Variants in CASK observed in about 807,000 individuals in gnomAD.
CASK encodes calcium/calmodulin dependent serine protein kinase, also known as peripheral plasma membrane protein CASK.
Under a neutral mutation model 82.9 loss-of-function variants are expected in CASK, and 4 were observed. The observed-to-expected ratio is 0.05, with a 90% CI of 0.02 to 0.11. The LOEUF (loss-of-function observed/expected upper bound fraction) is 0.11. Among genes scored for constraint, CASK ranks in the 10% least tolerant of loss-of-function variants. The pLI is 1.00. For synonymous variants in CASK, 259 were observed against 253.5 expected, an observed-to-expected ratio of 1.02 and a Z score of -0.20; for missense variants, 358 against 720.9, an observed-to-expected ratio of 0.50 and a Z score of 5.76.
chrX:41,637,119 A>G (rs927342150), intron 8 of CASK, among the ~76,000 whole-genome samples: 81 of 109,706 alleles, frequency 7.4e-4, no homozygotes, highest in Non-Finnish European at 1.1e-3. Context: ...AGCCTGGCTA[A>G]TTTTATTTTT....
At position 41,517,340 on chromosome X, in the gene CASK, C is replaced by T. The variant is rs752280633; in HGVS notation, c.*3080G>A. The T allele has an allele frequency of 8.1e-6, 1 of 123,841 alleles. No individual in the cohort carries two copies. The highest frequency in any genetic ancestry group is 1.7e-5 in the Non-Finnish European group (1 of 60,540). The allele number at this position is 123,841 out of a possible 1,213,427, so 10.2% of individuals were successfully genotyped here. ...TGAGCAAAGATTTTAAATCATCTCA[C>T]CTGACAAGAGATACATTTAATTGCA... On this transcript the variant is annotated 3_prime_UTR_variant, in exon 27 of 27. Transcript: ENST00000378163.
At chrX:41,845,718 A>G (rs2071141849) in intron 2 of CASK, among the ~76,000 whole-genome samples, 1 of 111,530 alleles carries the variant, frequency 9.0e-6, no homozygotes, top group African/African-American at 3.3e-5. Context: ...TATATTTAAT[A>G]TTATTACTGA....
chrX:41,854,217 G>GGCGC lies in CASK; in HGVS notation c.60-994_60-991dup, dbSNP rs760436631. ...TCCAGGGAACATGCGCGCGCGCGCG[G>GGCGC]GCGCGCGCACACACACACACACACA... On this transcript the variant is annotated intron_variant, in intron 1 of 26. Transcript: ENST00000378163. Among the ~76,000 whole-genome samples, 199 of 52,622 alleles carry GGCGC rather than the reference G, an allele frequency of 3.8e-3. 1 individual carries two copies. Among genetic ancestry groups the GGCGC allele is most frequent in the African/African-American group, 0.011 (146 of 13,812 alleles). The allele number at this position is 52,622 out of a possible 115,157, so 45.7% of individuals were successfully genotyped here. A position where few individuals can be genotyped will look rare whatever the true frequency, so the allele number is the denominator to read the frequency against.
intron 1 of CASK, among the ~76,000 whole-genome samples, chrX:41,879,904 A>G (rs981404221): frequency 1.8e-5 from 2 of 112,430 alleles, no homozygotes; most frequent in African/African-American, 6.5e-5. Context: ...ATGACACCTT[A>G]TAAGAACAAA....
Position 41,711,422 on chromosome X carries a change from A to G in CASK, c.429+27962T>C, listed in dbSNP as rs1005977117. Among the ~76,000 whole-genome samples, 4 of 111,761 alleles carry G rather than the reference A, an allele frequency of 3.6e-5. No individual in the cohort carries two copies. The Admixed American group carries it at 3.8e-4, about 11-fold the overall frequency. On this transcript the variant is annotated intron_variant, in intron 5 of 26. Coordinates refer to ENST00000378163, the MANE Select transcript of CASK (RefSeq NM_001367721.1). ...TGGTTTCAGTGAGGTAGGGTTTGCT[A>G]GAATGGACTTGGCTCACAGAAACAT...
At chrX:41,669,745 C>T (rs553221639) in intron 6 of CASK, among the ~76,000 whole-genome samples, 2 of 111,655 alleles carry the variant, frequency 1.8e-5, no homozygotes, top group East Asian at 5.6e-4. Context: ...AAATTTAAGG[C>T]CCAGAACACA....
intron 5 of CASK, among the ~76,000 whole-genome samples, chrX:41,694,173 A>T (rs1422112513): frequency 8.9e-6 from 1 of 112,666 alleles, no homozygotes; most frequent in Non-Finnish European, 1.9e-5. Context: ...GCTAACTTTT[A>T]TTAAGCAGTC....
intron 5 of CASK, among the ~76,000 whole-genome samples, chrX:41,733,080 G>A (rs1295382610): frequency 1.9e-5 from 2 of 107,820 alleles, no homozygotes; most frequent in African/African-American, 6.8e-5. Flanking sequence ...GGAGGCTGAG[G>A]CAGGAGAATT....
chrX:41,873,213 T>A (rs750736894), intron 1 of CASK, among the ~76,000 whole-genome samples: 2 of 102,546 alleles, frequency 2.0e-5, no homozygotes, highest in Non-Finnish European at 3.9e-5. Context: ...GACCCAACTC[T>A]GACTCCATTC....
chrX:41,867,130 G>T (rs1445777396), intron 1 of CASK, among the ~76,000 whole-genome samples: 1 of 112,028 alleles, frequency 8.9e-6, no homozygotes, highest in African/African-American at 3.2e-5. Context: ...GAAAGTTAGG[G>T]GTTACAGTAT....
At chrX:41,770,257 C>CATCTATCTATCT (rs751579544) in intron 3 of CASK, among the ~76,000 whole-genome samples, 335 of 86,504 alleles carry the variant, frequency 3.9e-3, no homozygotes, top group South Asian at 0.017. Context: ...ATCTATCTAT[C>CATCTATCTATCT]ATCTATCTAT....
intron 5 of CASK, among the ~76,000 whole-genome samples, chrX:41,690,682 CT>C (rs1276110942): frequency 1.1e-5 from 1 of 89,106 alleles, no homozygotes; most frequent in Admixed American, 1.3e-4. Context: ...TTTTTATGTT[CT>C]TTTTTTTTGA....
chrX:41,814,575 A>ACACC (rs1259821696), intron 2 of CASK, among the ~76,000 whole-genome samples: 1 of 83,476 alleles, frequency 1.2e-5, no homozygotes, highest in African/African-American at 4.6e-5. Context: ...GGAACATCAC[A>ACACC]CACCGGGGCC....
At chrX:41,721,181 A>G (rs2068158871) in intron 5 of CASK, among the ~76,000 whole-genome samples, 1 of 111,145 alleles carries the variant, frequency 9.0e-6, no homozygotes, top group African/African-American at 3.3e-5. Context: ...AATGAGAACC[A>G]AAGAAAACTA....
chrX:41,546,993 C>T (rs1052888753), intron 21 of CASK, among the ~76,000 whole-genome samples: 2 of 111,267 alleles, frequency 1.8e-5, no homozygotes, highest in Non-Finnish European at 3.8e-5. Context: ...TGCAGTGGCA[C>T]GATCTCGGCT....
chrX:41,695,479 C>G (rs2067668252), intron 5 of CASK: 1 of 446,376 alleles, frequency 2.2e-6, no homozygotes, highest in Admixed American at 4.1e-5. Flanking sequence ...GGAAGCCCAG[C>G]CTATTATTTA....
intron 6 of CASK, among the ~76,000 whole-genome samples, chrX:41,670,589 A>T (rs1374660517): frequency 9.0e-6 from 1 of 111,191 alleles, no homozygotes; most frequent in Admixed American, 9.6e-5. Context: ...TCTACTAAAA[A>T]TAAAAAAAGT....
intron 3 of CASK, among the ~76,000 whole-genome samples, chrX:41,761,704 C>T (rs1232118672): frequency 9.0e-6 from 1 of 111,569 alleles, no homozygotes; most frequent in Admixed American, 9.5e-5. Context: ...ATCCCATATG[C>T]CCATGAATTA....
chrX:41,696,616 T>C lies in CASK; in HGVS notation c.430-25086A>G, dbSNP rs1046933130. The stretch of plus-strand genomic sequence containing the variant: ...AGTTGCTTAGATCCAGTCATGTATT[T>C]CCTGATGTCCAGTAACATTCGCAAA... On this transcript the variant is annotated intron_variant, in intron 5 of 26. Coordinates refer to ENST00000378163, the MANE Select transcript of CASK (RefSeq NM_001367721.1). The C allele has an allele frequency of 3.3e-6, 4 of 1,209,447 alleles. No homozygotes were observed. In the African/African-American group the frequency reaches 7.0e-5, roughly 21 times the overall value.
Sources: allele counts gnomAD v4.1 joint callset (sites outside exome capture counted in the v4.1 genomes callset), GRCh38; gene constraint gnomAD v4.1.1; transcripts MANE v1.5; gene names NCBI Gene and HGNC (gene_info 2026-07-23, HGNC 2026-07-21).